The following TMEM108 variants were observed in gnomAD, a reference collection of about 807,000 sequenced individuals.
TMEM108 encodes the protein cancer/testis antigen 124.
Under a neutral mutation model 35.1 loss-of-function variants are expected in TMEM108, and 12 were observed. The observed-to-expected ratio is 0.34, with a 90% CI of 0.22 to 0.55. The LOEUF (loss-of-function observed/expected upper bound fraction) is 0.55, where lower values mean the gene tolerates loss of function less well. Among genes scored for constraint, TMEM108 ranks in the 20% least tolerant of loss-of-function variants. The pLI is 0.89. For missense variants in TMEM108, 680 were observed against 753.3 expected (o/e 0.90, Z 1.14); for synonymous variants, 287 against 308.6 (o/e 0.93, Z 0.73).
intron 4 of TMEM108, chr3:133,386,789 A>G: frequency 1.0e-6 from 1 of 957,288 alleles, no homozygotes; most frequent in Non-Finnish European, 1.3e-6. Flanking sequence ...TGTTCAGGAC[A>G]ATACAGGATA....
At chr3:133,220,616 T>C (rs1945975878) in intron 2 of TMEM108, among the ~76,000 whole-genome samples, 1 of 152,182 alleles carries the variant, frequency 6.6e-6, no homozygotes, top group African/African-American at 2.4e-5. Context: ...CTCACACTAC[T>C]CAACACTTCT....
At chr3:133,217,536 T>C (rs1380422072) in intron 2 of TMEM108, among the ~76,000 whole-genome samples, 1 of 152,048 alleles carries the variant, frequency 6.6e-6, no homozygotes, top group Non-Finnish European at 1.5e-5. Context: ...ATATGTCTTC[T>C]TCTAGTAGTA....
chr3:133,111,451 G>A (rs535619104), intron 2 of TMEM108, among the ~76,000 whole-genome samples: 38 of 152,038 alleles, frequency 2.5e-4, no homozygotes, highest in African/African-American at 9.2e-4. Context: ...TCTTTAATTA[G>A]AGTGTGAATT....
At chr3:133,391,006 C>T (rs1381324734) in intron 5 of TMEM108, among the ~76,000 whole-genome samples, 1 of 152,170 alleles carries the variant, frequency 6.6e-6, no homozygotes, top group Non-Finnish European at 1.5e-5. Flanking sequence ...CTCTTTCCAT[C>T]CTCACACGGA....
At chr3:133,240,952 A>G (rs368929661) in intron 3 of TMEM108, among the ~76,000 whole-genome samples, 1 of 152,212 alleles carries the variant, frequency 6.6e-6, no homozygotes, top group South Asian at 2.1e-4. Context: ...AGAAAAAGAA[A>G]TGTGAAAGGT....
chr3:133,396,009 A>T lies in TMEM108; in HGVS notation c.*23A>T. Reference sequence around the variant, plus strand: ...TAACTACAGCAGGCATCACTTTGCCATTCCGTATTTTTCGTCTCTAAATTA... The same window carrying T: ...TAACTACAGCAGGCATCACTTTGCCTTTCCGTATTTTTCGTCTCTAAATTA... On this transcript the variant is annotated 3_prime_UTR_variant, in exon 6 of 6. Coordinates refer to ENST00000321871, the MANE Select transcript of TMEM108 (RefSeq NM_023943.4). 1 of 1,504,462 alleles carries T rather than the reference A, an allele frequency of 6.6e-7. No individual in the cohort carries two copies. The highest frequency in any genetic ancestry group is 1.5e-5 in the South Asian group (1 of 68,692). The allele number at this position is 1,504,462 out of a possible 1,614,324, so 93.2% of individuals were successfully genotyped here.
chr3:133,388,790 G>A (rs985071553), intron 4 of TMEM108: 43 of 985,214 alleles, frequency 4.4e-5, no homozygotes, highest in Admixed American at 1.2e-4. Context: ...CCTGGGCTCT[G>A]GGCTGTGAGG....
intron 3 of TMEM108, among the ~76,000 whole-genome samples, chr3:133,341,046 T>C (rs1459114578): frequency 6.6e-6 from 1 of 151,738 alleles, no homozygotes; most frequent in East Asian, 1.9e-4. Flanking sequence ...AACATAGCAG[T>C]GGAAGTCCTA....
At chr3:133,247,156 G>A (rs550751012) in intron 3 of TMEM108, 39 of 152,334 alleles carry the variant, frequency 2.6e-4, no homozygotes, top group African/African-American at 9.1e-4. Context: ...TTTTCCAAAT[G>A]AACAAACTGT....
intron 2 of TMEM108, among the ~76,000 whole-genome samples, chr3:133,135,917 T>C (rs1397304937): frequency 6.6e-6 from 1 of 152,162 alleles, no homozygotes; most frequent in East Asian, 1.9e-4. Context: ...ACGTTTTATG[T>C]GCTTCAGGAC....
chr3:133,084,449 G>A (rs1258887656), intron 2 of TMEM108, among the ~76,000 whole-genome samples: 4 of 152,176 alleles, frequency 2.6e-5, no homozygotes, highest in African/African-American at 9.7e-5. Flanking sequence ...TATCTCATTA[G>A]GAAATGGTGT....
chr3:133,190,730 T>C (rs754791701), intron 2 of TMEM108, among the ~76,000 whole-genome samples: 1 of 152,190 alleles, frequency 6.6e-6, no homozygotes, highest in African/African-American at 2.4e-5. Flanking sequence ...GGTCAGGGGC[T>C]GGGTACAAGA....
intron 2 of TMEM108, among the ~76,000 whole-genome samples, chr3:133,146,258 G>T (rs1052673889): frequency 6.6e-6 from 1 of 152,180 alleles, no homozygotes; most frequent in South Asian, 2.1e-4. Flanking sequence ...TTATGTGATG[G>T]ATTACATTGA....
At chr3:133,387,560 G>A (rs901067622) in intron 4 of TMEM108, 10 of 984,468 alleles carry the variant, frequency 1.0e-5, no homozygotes, top group African/African-American at 1.7e-5. Flanking sequence ...CGGAGGACTT[G>A]GATTCTGCAA....
chr3:133,303,165 A>G (rs944852127), intron 3 of TMEM108: 1 of 152,178 alleles, frequency 6.6e-6, no homozygotes, highest in Non-Finnish European at 1.5e-5. Context: ...GTGGTGGTAC[A>G]TATCTCAATA....
chr3:133,155,112 G>A (rs750910647), intron 2 of TMEM108, among the ~76,000 whole-genome samples: 26 of 152,010 alleles, frequency 1.7e-4, no homozygotes, highest in Admixed American at 7.2e-4. Flanking sequence ...TGTGGTATTT[G>A]GTTTTCTGAT....
chr3:133,200,357 G>T (rs930148813), intron 2 of TMEM108, among the ~76,000 whole-genome samples: 1 of 152,142 alleles, frequency 6.6e-6, no homozygotes. Flanking sequence ...GAAAATATTT[G>T]AATGAATGCA....
chr3:133,339,031 A>C (rs2071584065), intron 3 of TMEM108, among the ~76,000 whole-genome samples: 1 of 151,954 alleles, frequency 6.6e-6, no homozygotes, highest in African/African-American at 2.4e-5. Flanking sequence ...AGAACACAGG[A>C]AGGAAGAAAA....
intron 2 of TMEM108, among the ~76,000 whole-genome samples, chr3:133,092,141 G>A (rs1943954520): frequency 6.6e-6 from 1 of 152,168 alleles, no homozygotes; most frequent in Non-Finnish European, 1.5e-5. Flanking sequence ...GGTAGAGATG[G>A]TAGTCAAGAG....
Sources: allele counts gnomAD v4.1 joint callset (sites outside exome capture counted in the v4.1 genomes callset), GRCh38; gene constraint gnomAD v4.1.1; transcripts MANE v1.5; gene names NCBI Gene and HGNC (gene_info 2026-07-23, HGNC 2026-07-21).